The following PPFIBP1 variants were observed in gnomAD, a reference collection of about 807,000 sequenced individuals.
The protein encoded by PPFIBP1 is liprin-beta-1.
Under a neutral mutation model 137.8 loss-of-function variants are expected in PPFIBP1, and 112 were observed. The ratio of observed to expected loss-of-function variants is 0.81; its 90% CI spans 0.70 to 0.95. The LOEUF is 0.95. Ranked by LOEUF, PPFIBP1 falls within the 40% of genes least tolerant of loss-of-function variation. The pLI is 0.00. For synonymous variants in PPFIBP1, 378 were observed against 417.3 expected (o/e 0.91, Z 1.15); for missense variants, 1,083 against 1,196.6 (o/e 0.91, Z 1.40).
intron 2 of PPFIBP1, among the ~76,000 whole-genome samples, chr12:27,631,315 TTAAC>T (rs2057249004): frequency 6.6e-6 from 1 of 152,180 alleles, no homozygotes; most frequent in African/African-American, 2.4e-5. Flanking sequence ...TTGACTACTT[TTAAC>T]TTATTAGAGA....
Position 27,672,356 on chromosome 12 carries a change from C to T in PPFIBP1, c.1263-71C>T, listed in dbSNP as rs368553620. On this transcript the variant is annotated intron_variant, in intron 14 of 29. Transcript: ENST00000228425. ...GCATAATTTTTTGTTTTTGACTTAT[C>T]TGTTCACTTAGAACATATATGGTCT... 89 of 1,218,652 alleles carry T rather than the reference C, an allele frequency of 7.3e-5. No homozygotes were observed. In the African/African-American group the frequency reaches 1.3e-3, roughly 18 times the overall value. The allele number at this position is 1,218,652 out of a possible 1,614,324, so 75.5% of individuals were successfully genotyped here. A position where few individuals can be genotyped will look rare whatever the true frequency, so the allele number is the denominator to read the frequency against.
chr12:27,692,075 T>A lies in PPFIBP1; in HGVS notation c.2865+147T>A, dbSNP rs988461733. The A allele has an allele frequency of 8.9e-6, 6 of 677,634 alleles. No individual in the cohort carries two copies. In the East Asian group the frequency reaches 1.7e-4, roughly 19 times the overall value. 42.0% of individuals were successfully genotyped at this position (677,634 alleles called of 1,614,324 possible). On this transcript the variant is annotated intron_variant, in intron 28 of 29. Coordinates refer to ENST00000228425, the MANE Select transcript of PPFIBP1 (RefSeq NM_003622.4). ...ATAGTGAACACTTAGAGATCACTTATATCTTCCAGGTACCATCCTAAGCAC... is the reference window on the plus strand; with the variant it reads ...ATAGTGAACACTTAGAGATCACTTAAATCTTCCAGGTACCATCCTAAGCAC...
intron 2 of PPFIBP1, among the ~76,000 whole-genome samples, chr12:27,600,383 C>T (rs1171641649): frequency 6.6e-6 from 1 of 151,254 alleles, no homozygotes; most frequent in Non-Finnish European, 1.5e-5. Context: ...TTGCAGTGAG[C>T]TGAGATCGGG....
At position 27,671,489 on chromosome 12, in the gene PPFIBP1, T is replaced by C; in HGVS notation, c.1205T>C (p.Met402Thr). Residue 402 changes from methionine (M) to threonine (T), a missense_variant, in exon 14 of 30, where the codon ATG (methionine) becomes ACG (threonine). By Grantham distance (81) the Met-to-Thr change is moderately conservative. Coordinates refer to ENST00000228425, the MANE Select transcript of PPFIBP1 (RefSeq NM_003622.4). Reference protein sequence around the residue: ...IPSLLPATVSMETSEKSKLTP... With the variant: ...IPSLLPATVSTETSEKSKLTP... ...TCATTATTGCCAGCAACTGTAAGCA[T>C]GGAAACTTCTGAAAAATCAAAGTTG... The C allele has an allele frequency of 6.2e-7, 1 of 1,603,976 alleles. No homozygotes were observed. Among genetic ancestry groups the C allele is most frequent in the Non-Finnish European group, 8.5e-7 (1 of 1,176,298 alleles).
At chr12:27,558,467 TAC>T (rs10677887) in intron 1 of PPFIBP1, among the ~76,000 whole-genome samples, 1,406 of 129,222 alleles carry the variant, frequency 0.011, 61 homozygotes, top group South Asian at 0.047. Flanking sequence ...CAGTATGTTA[TAC>T]ACACACACAC....
chr12:27,614,703 C>G (rs2055555740), intron 2 of PPFIBP1, among the ~76,000 whole-genome samples: 1 of 152,072 alleles, frequency 6.6e-6, no homozygotes, highest in South Asian at 2.1e-4. Context: ...AAAGGACAGC[C>G]TGCAATGCAA....
chr12:27,624,969 A>T (rs1475712967), intron 2 of PPFIBP1, among the ~76,000 whole-genome samples: 3 of 152,208 alleles, frequency 2.0e-5, no homozygotes, highest in Non-Finnish European at 4.4e-5. Context: ...CAAATATATA[A>T]AAATATAGAT....
At chr12:27,620,879 A>G (rs548752057) in intron 2 of PPFIBP1, among the ~76,000 whole-genome samples, 58 of 152,312 alleles carry the variant, frequency 3.8e-4, no homozygotes, top group African/African-American at 1.3e-3. Context: ...CTCACCTGCT[A>G]TATATTTAAA....
At chr12:27,650,323 T>C (rs1565941842) in intron 7 of PPFIBP1, among the ~76,000 whole-genome samples, 182 bp downstream of exon 7, 2 of 152,256 alleles carry the variant, frequency 1.3e-5, no homozygotes, top group Non-Finnish European at 2.9e-5. Context: ...ATTGACTTTT[T>C]ATCACTAGAT....
intron 1 of PPFIBP1, chr12:27,549,226 C>T (rs11049043): frequency 0.2 from 28,561 of 139,890 alleles, 3,536 homozygotes; most frequent in Admixed American, 0.31. Flanking sequence ...ACCATTTCTT[C>T]TGCAGCTCTT....
chr12:27,592,467 A>T (rs1488299659), intron 2 of PPFIBP1: 2 of 1,050,104 alleles, frequency 1.9e-6, no homozygotes, highest in African/African-American at 3.2e-5. Flanking sequence ...TCTATATAGG[A>T]TGTCCTAATT....
At chr12:27,604,918 A>G (rs1024329512) in intron 2 of PPFIBP1, among the ~76,000 whole-genome samples, 3 of 152,310 alleles carry the variant, frequency 2.0e-5, no homozygotes, top group African/African-American at 7.2e-5. Flanking sequence ...GCGGGAAGCA[A>G]AGAGAGAGCT....
chr12:27,664,021 C>G (rs1462113068), intron 11 of PPFIBP1, among the ~76,000 whole-genome samples: 1 of 151,904 alleles, frequency 6.6e-6, no homozygotes, highest in African/African-American at 2.4e-5. Context: ...TTGAAGCTGA[C>G]TTTTTTCTTT....
intron 2 of PPFIBP1, among the ~76,000 whole-genome samples, chr12:27,614,063 T>C (rs1359329316): frequency 6.6e-6 from 1 of 152,038 alleles, no homozygotes; most frequent in African/African-American, 2.4e-5. Context: ...CAGCTGTTAG[T>C]TTCCCCTCTC....
intron 27 of PPFIBP1, among the ~76,000 whole-genome samples, chr12:27,689,694 C>T (rs184696938): frequency 6.6e-6 from 1 of 152,296 alleles, no homozygotes; most frequent in Non-Finnish European, 1.5e-5. Context: ...TGCCTTCTCC[C>T]TGCCTAGTTC....
chr12:27,610,928 G>T (rs1482112203), intron 2 of PPFIBP1, among the ~76,000 whole-genome samples: 18 of 151,082 alleles, frequency 1.2e-4, no homozygotes, highest in Non-Finnish European at 2.1e-4. Flanking sequence ...ATTTTACTAG[G>T]GGTGAGGTGG....
At chr12:27,593,826 T>C in intron 2 of PPFIBP1, 1 of 1,303,316 alleles carries the variant, frequency 7.7e-7, no homozygotes, top group Non-Finnish European at 1.0e-6. Context: ...TGGTATTGTC[T>C]CTTCATGTGT....
chr12:27,569,910 G>A (rs781608601), intron 1 of PPFIBP1, among the ~76,000 whole-genome samples: 12 of 152,058 alleles, frequency 7.9e-5, no homozygotes, highest in Non-Finnish European at 1.5e-4. Flanking sequence ...GTTCTCCATG[G>A]TCTTTAGCAT....
intron 1 of PPFIBP1, among the ~76,000 whole-genome samples, chr12:27,557,311 C>G (rs1002008078): frequency 6.7e-6 from 1 of 150,108 alleles, no homozygotes; most frequent in Non-Finnish European, 1.5e-5. Context: ...TCTCGGCTCT[C>G]TGCGAGCTCC....
Sources: gnomAD v4.1 joint callset for allele counts (sites outside exome capture counted in the v4.1 genomes callset) on GRCh38, gnomAD v4.1.1 for gene constraint, MANE v1.5 for transcripts, NCBI Gene and HGNC (gene_info 2026-07-23, HGNC 2026-07-21) for gene names.